Variants in NARS1 observed in about 807,000 individuals in gnomAD.
NARS1 encodes the protein asparaginyl-tRNA synthetase 1.
NARS1 carries 65 observed loss-of-function variants against 79.2 expected under a neutral mutation model. That is an observed-to-expected ratio of 0.82 (90% CI 0.67 to 1.01). NARS1 has a LOEUF of 1.01. NARS1 is among the 50% of genes least tolerant of loss of function. NARS1 has a pLI of 0.00. For synonymous variants in NARS1, 229 were observed against 238.8 expected, an observed-to-expected ratio of 0.96 and a Z score of 0.38; for missense variants, 649 against 673.8, an observed-to-expected ratio of 0.96 and a Z score of 0.41.
At chr18:57,620,082 CAG>C (rs572041886) in intron 2 of NARS1, among the ~76,000 whole-genome samples, 149 of 152,230 alleles carry the variant, frequency 9.8e-4, no homozygotes, top group South Asian at 2.5e-3. Flanking sequence ...AATTCATTAA[CAG>C]AATGTTAATA....
chr18:57,620,389 T>C (rs571407467), intron 2 of NARS1, among the ~76,000 whole-genome samples, 180 bp downstream of exon 2: 10 of 152,252 alleles, frequency 6.6e-5, no homozygotes, highest in Admixed American at 2.0e-4. Flanking sequence ...AAAGTAAGTT[T>C]AGACTTTGAT....
chr18:57,614,591 A>G (rs1016766090), intron 4 of NARS1, among the ~76,000 whole-genome samples: 2 of 152,238 alleles, frequency 1.3e-5, no homozygotes, highest in African/African-American at 4.8e-5. Context: ...GGTTCCAGAA[A>G]GAACAGAAGA....
Position 57,609,360 on chromosome 18 carries a change from C to A in NARS1, c.576G>T (p.Lys192Asn), listed in dbSNP as rs2051586474. 1 of 1,612,822 alleles carries A rather than the reference C, an allele frequency of 6.2e-7. No homozygotes were observed. The highest frequency in any genetic ancestry group is 8.5e-7 in the Non-Finnish European group (1 of 1,179,164). The change falls in exon 7 of 14, where the codon AAG (lysine) becomes AAT (asparagine). Residue 192 changes from lysine to asparagine, a missense_variant. By Grantham distance (94) the Lys-to-Asn change is moderately conservative (BLOSUM62 0). Transcript: ENST00000256854. ...YGMLNLTPKG[K>N]QAPGGHELSC... The stretch of plus-strand genomic sequence containing the variant: ...GTGCGAAACTCAATCCACTCACCTG[C>A]TTGCCCTTTGGGGTAAGATTTAGCA...
Position 57,600,976 on chromosome 18 carries a change from C to T in NARS1, c.*676G>A, listed in dbSNP as rs2051499199. ...ATGCTAAGAGGGATACTGTGAATCA[C>T]TAAAAAACTCTCCCCAAAATTATGT... On this transcript the variant is annotated 3_prime_UTR_variant, in exon 14 of 14. Transcript: ENST00000256854. 6.6e-6 allele frequency: 1 copy of T among 152,220 alleles called. No homozygotes were observed. Among genetic ancestry groups the T allele is most frequent in the Admixed American group, 6.5e-5 (1 of 15,284 alleles). 9.4% of individuals were successfully genotyped at this position (152,220 alleles called of 1,614,324 possible).
chr18:57,605,955 T>C lies in NARS1; in HGVS notation c.1153A>G (p.Lys385Glu). The change falls in exon 11 of 14, where the codon AAA becomes GAA. Residue 385 changes from lysine (K) to glutamate (E), a missense_variant. Physicochemically the swap from Lys to Glu is moderately conservative, Grantham distance 56. Transcript: ENST00000256854. ...TAGTTCATCCGTTTGAAAGGCCGTT[T>C]GGGGGGCTGAAAGTTCTACAGAAGA... The part of the protein sequence containing the change: ...HELNPNFQPP[K>E]RPFKRMNYSD... 1.2e-6 allele frequency: 2 copies of C among 1,612,964 alleles called. No homozygotes were observed. Among genetic ancestry groups the C allele is most frequent in the Non-Finnish European group, 1.7e-6 (2 of 1,179,344 alleles).
chr18:57,601,973 A>T (rs930956112), intron 13 of NARS1, among the ~76,000 whole-genome samples, 190 bp from the exon 14 acceptor site: 1 of 152,210 alleles, frequency 6.6e-6, no homozygotes, highest in African/African-American at 2.4e-5. Flanking sequence ...CCATGCATAA[A>T]GAAATAATTT....
chr18:57,613,094 T>TTAAGATAAAA (rs2051617826), intron 5 of NARS1, among the ~76,000 whole-genome samples: 1 of 152,122 alleles, frequency 6.6e-6, no homozygotes, highest in Non-Finnish European at 1.5e-5. Context: ...TAAATCACTC[T>TTAAGATAAAA]ATCCTTTAAA....
At chr18:57,619,552 C>T (rs892715602) in intron 2 of NARS1, among the ~76,000 whole-genome samples, 3 of 151,944 alleles carry the variant, frequency 2.0e-5, no homozygotes, top group Non-Finnish European at 2.9e-5. Context: ...AACTTTTAAC[C>T]ATCTTCCTTA....
intron 2 of NARS1, among the ~76,000 whole-genome samples, chr18:57,619,270 T>A (rs1269938172): frequency 6.7e-6 from 1 of 149,056 alleles, no homozygotes; most frequent in African/African-American, 2.5e-5. Flanking sequence ...TGGCTAATTT[T>A]TTTTTTTTTT....
intron 6 of NARS1, among the ~76,000 whole-genome samples, chr18:57,610,821 C>T (rs1391915932): frequency 2.0e-5 from 3 of 152,094 alleles, no homozygotes; most frequent in Non-Finnish European, 4.4e-5. Flanking sequence ...CTAAACGCAG[C>T]ATGTTAGTCT....
At chr18:57,605,240 C>T (rs2051543951) in intron 11 of NARS1, among the ~76,000 whole-genome samples, 1 of 151,616 alleles carries the variant, frequency 6.6e-6, no homozygotes, top group Non-Finnish European at 1.5e-5. Flanking sequence ...ATAAAGAGAG[C>T]TTATAAGCTG....
intron 2 of NARS1, among the ~76,000 whole-genome samples, chr18:57,620,301 T>C (rs1259168048): frequency 1.3e-5 from 2 of 152,112 alleles, no homozygotes; most frequent in Admixed American, 6.6e-5. Flanking sequence ...AACCCAGCAA[T>C]CTGACTCAAT....
intron 2 of NARS1, among the ~76,000 whole-genome samples, chr18:57,617,914 C>CAAA (rs34518818): frequency 1.0e-5 from 1 of 97,072 alleles, no homozygotes. Flanking sequence ...GACTCCTTTT[C>CAAA]AAAAAAAAAA....
intron 11 of NARS1, among the ~76,000 whole-genome samples, chr18:57,603,907 A>AG (rs2051531648): frequency 7.0e-6 from 1 of 142,376 alleles, no homozygotes; most frequent in South Asian, 2.2e-4. Context: ...CCAAAGCCTG[A>AG]GGGTCATGTA....
At chr18:57,611,121 C>T (rs1311532608) in intron 6 of NARS1, among the ~76,000 whole-genome samples, 2 of 151,868 alleles carry the variant, frequency 1.3e-5, no homozygotes, top group African/African-American at 4.8e-5. Flanking sequence ...TATGCACCAC[C>T]ACACCTGGCT....
chr18:57,614,903 T>C (rs183630621), intron 4 of NARS1, among the ~76,000 whole-genome samples: 15 of 152,214 alleles, frequency 9.9e-5, no homozygotes, highest in African/African-American at 3.4e-4. Context: ...AGGCCAGGCA[T>C]GGTGGCTCAC....
At chr18:57,612,021 C>T (rs1207528340) in intron 5 of NARS1, among the ~76,000 whole-genome samples, 3 of 152,070 alleles carry the variant, frequency 2.0e-5, no homozygotes, top group Non-Finnish European at 4.4e-5. Flanking sequence ...CCTCCCAAAG[C>T]GCTGATATTA....
At chr18:57,607,408 CAT>C (rs746339353) in intron 8 of NARS1, 34 bp downstream of exon 8, 156 of 1,610,600 alleles carry the variant, frequency 9.7e-5, no homozygotes, top group Non-Finnish European at 1.3e-4. Context: ...CGGCAAAAAA[CAT>C]ATTCTTTGCA....
At position 57,621,793 on chromosome 18, in the gene NARS1, G is replaced by C; in HGVS notation, c.-76C>G. The C allele has an allele frequency of 6.2e-7, 1 of 1,608,902 alleles. No individual in the cohort carries two copies. Among genetic ancestry groups the C allele is most frequent in the Non-Finnish European group, 8.5e-7 (1 of 1,178,598 alleles). On this transcript the variant is annotated 5_prime_UTR_variant, in exon 1 of 14. Transcript: ENST00000256854. ...CCGTCTTATGACTCCAACGTGCACC[G>C]GCGGTTTCCGCGATTCCGGCGTTGC... is the stretch of plus-strand genomic sequence containing the variant.
Sources: gnomAD v4.1 joint callset for allele counts (sites outside exome capture counted in the v4.1 genomes callset) on GRCh38, gnomAD v4.1.1 for gene constraint, MANE v1.5 for transcripts, NCBI Gene and HGNC (gene_info 2026-07-23, HGNC 2026-07-21) for gene names.